SNRNP200: variants seen among roughly 807,000 people sequenced by gnomAD.
SNRNP200 encodes the protein small nuclear ribonucleoprotein U5 subunit 200.
SNRNP200 carries 66 observed loss-of-function variants against 255.2 expected under a neutral mutation model. The observed-to-expected ratio is 0.26, with a 90% CI of 0.21 to 0.32. SNRNP200 has a LOEUF of 0.32. Among genes scored for constraint, SNRNP200 ranks in the 10% least tolerant of loss-of-function variants. SNRNP200 has a pLI of 1.00. For missense variants in SNRNP200, 1,585 were observed against 2,749.8 expected (o/e 0.58, Z 9.47); for synonymous variants, 939 against 1,027.8 (o/e 0.91, Z 1.65).
At chr2:96,297,286 G>C (rs1425425231) in intron 11 of SNRNP200, 77 bp downstream of exon 11, 1 of 1,577,612 alleles carries the variant, frequency 6.3e-7, no homozygotes, top group Non-Finnish European at 8.7e-7. Context: ...ATGAAACAAG[G>C]CTACATTTTG....
In SNRNP200 at chr2:96,277,474, C is replaced by T. The variant is rs552605727; in HGVS notation, c.5931+65G>A. The T allele has an allele frequency of 3.8e-5, 61 of 1,588,660 alleles. No individual in the cohort carries two copies. In the African/African-American group the frequency reaches 5.5e-4, roughly 14 times the overall value. ...ACTGAGACTCACCTCCCGCAACCCA[C>T]GCTCGGTCCACAACACTGGGCTCTC... On this transcript the variant is annotated intron_variant, in intron 41 of 44. Transcript: ENST00000323853. The surrounding 1 kb of genome is among the most constrained non-coding windows in gnomAD (Gnocchi z 4.4).
chr2:96,282,138 A>C lies in SNRNP200; in HGVS notation c.4916-216T>G. The C allele has an allele frequency of 3.7e-6, 2 of 541,280 alleles. 1 individual carries two copies. Among genetic ancestry groups the C allele is most frequent in the South Asian group, 4.0e-5 (2 of 50,084 alleles). 33.5% of individuals were successfully genotyped at this position (541,280 alleles called of 1,614,324 possible). ...TTGCTCTGGGACTATCCAGGAGAAA[A>C]CAAGTCATCATAGAACAGAACCCAA... On this transcript the variant is annotated intron_variant, in intron 34 of 44. Transcript: ENST00000323853.
At chr2:96,295,743 C>T in intron 13 of SNRNP200, 85 bp from the exon 14 acceptor site, 10 of 1,416,618 alleles carry the variant, frequency 7.1e-6, no homozygotes, top group Non-Finnish European at 9.8e-6. Flanking sequence ...GAGTGTAGGG[C>T]ATTGGGAGCA....
chr2:96,303,707 T>C (rs766000156), intron 2 of SNRNP200, among the ~76,000 whole-genome samples: 5 of 152,132 alleles, frequency 3.3e-5, no homozygotes, highest in South Asian at 2.1e-4. Context: ...CTGGCCAACA[T>C]GGAGAAACCC....
rs747392148 is a variant in SNRNP200, at chr2:96,287,417, AG to A, written c.3484+21del. Reference sequence around the variant, plus strand: ...GAGAGACACCCAGGCAGTGAGGACAAGGGCGAGAGCATCCCACACACCAATC... The same window carrying A: ...GAGAGACACCCAGGCAGTGAGGACAAGGCGAGAGCATCCCACACACCAATC... On this transcript the variant is annotated intron_variant, in intron 26 of 44. Coordinates refer to ENST00000323853, the MANE Select transcript of SNRNP200 (RefSeq NM_014014.5). This position sits in a 1 kb window ranked among gnomAD's most constrained non-coding sequence, Gnocchi z 5.7. 6.5e-7 allele frequency: 1 copy of A among 1,539,738 alleles called. No individual in the cohort carries two copies. Among genetic ancestry groups the A allele is most frequent in the Non-Finnish European group, 9.0e-7 (1 of 1,112,228 alleles).
rs1414485144 is a variant in SNRNP200 at position 96,296,804 on chromosome 2, CCTA to C, written c.1516-116_1516-114del. 4 of 1,545,892 alleles carry C rather than the reference CCTA, an allele frequency of 2.6e-6. No individual in the cohort carries two copies. In the Admixed American group the frequency reaches 6.8e-5, roughly 26 times the overall value. On this transcript the variant is annotated intron_variant, in intron 12 of 44. Coordinates refer to ENST00000323853, the MANE Select transcript of SNRNP200 (RefSeq NM_014014.5). ...ATAGAGCTTGTCCTGGGCACTTTAT[CCTA>C]CTATTTAACCTCTCTTCCATCAAAG...
rs143175658 is a variant in SNRNP200 at position 96,286,426 on chromosome 2, G to C, written c.3888C>G (p.Pro1296=). 1.4e-5 allele frequency: 23 copies of C among 1,614,078 alleles called. No individual in the cohort carries two copies. The highest frequency in any genetic ancestry group is 6.7e-5 in the East Asian group (3 of 44,900). The part of the protein sequence containing the change: ...FRHLILPEKY[P]PPTELLDLQP... ...GCAGGTCCAAAAGTTCGGTTGGAGG[G>C]GGGTACTTCTCCGGCAAGATCAGGT... The change falls in exon 29 of 45, where the codon CCC becomes CCG. Residue 1296 remains proline (P), a synonymous_variant. Coordinates refer to ENST00000323853, the MANE Select transcript of SNRNP200 (RefSeq NM_014014.5). The surrounding 1 kb of genome is among the most constrained non-coding windows in gnomAD (Gnocchi z 4.8).
At position 96,281,914 on chromosome 2, in the gene SNRNP200, G is replaced by A; in HGVS notation, c.4924C>T (p.Gln1642Ter). 6.2e-7 allele frequency: 1 copy of A among 1,613,910 alleles called. No homozygotes were observed. The highest frequency in any genetic ancestry group is 8.5e-7 in the Non-Finnish European group (1 of 1,179,892). Residue 1642 changes from glutamine to a stop codon, truncating the protein, a stop_gained, in exon 35 of 45, where the codon CAG becomes TAG. Transcript: ENST00000323853. LOFTEE classifies it high-confidence loss of function. Reference sequence around the variant, plus strand: ...AGACTCCGAGAAGCCACCACCACCTGGATAGCCCCTGAGCAGTAGAGGGGA... The same window carrying A: ...AGACTCCGAGAAGCCACCACCACCTAGATAGCCCCTGAGCAGTAGAGGGGA... ...VEQLFSSGAI[Q>*]VVVASRSLCW...
chr2:96,293,492 G>A lies in SNRNP200; in HGVS notation c.1860C>T (p.Leu620=). The change falls in exon 15 of 45, where the codon CTC becomes CTT. Residue 620 remains leucine (L), a synonymous_variant. Transcript: ENST00000323853. The part of the protein sequence containing the change: ...RLIILDEIHL[L]HDDRGPVLEA... ...CTAAGACAGGACCTCTGTCATCGTG[G>A]AGAAGATGAATCTCATCCTACGGAA... 6.2e-7 allele frequency: 1 copy of A among 1,612,330 alleles called. No homozygotes were observed. The highest frequency in any genetic ancestry group is 8.5e-7 in the Non-Finnish European group (1 of 1,179,986).
At chr2:96,298,032 C>T (rs1207545950) in intron 9 of SNRNP200, among the ~76,000 whole-genome samples, 2 of 152,168 alleles carry the variant, frequency 1.3e-5, no homozygotes, top group Non-Finnish European at 2.9e-5. Context: ...TTTTAGTAAA[C>T]ACCATGGATT....
At chr2:96,296,408 A>G in intron 13 of SNRNP200, 128 bp downstream of exon 13, 2 of 970,062 alleles carry the variant, frequency 2.1e-6, no homozygotes, top group Non-Finnish European at 3.1e-6. Context: ...AGAAAAATAA[A>G]AAATAACAAC....
At position 96,303,259 on chromosome 2, in the gene SNRNP200, A is replaced by G; in HGVS notation, c.281T>C (p.Ile94Thr). 2 of 1,614,194 alleles carry G rather than the reference A, an allele frequency of 1.2e-6. No individual in the cohort carries two copies. Among genetic ancestry groups the G allele is most frequent in the Non-Finnish European group, 1.7e-6 (2 of 1,180,028 alleles). ...MKGYTLLSEG[I>T]DEMVGIIYKP... ...GTAGATGATGCCCACCATCTCATCA[A>G]TGCCCTCCGACAGCAGAGTATAACC... is the stretch of plus-strand genomic sequence containing the variant. The change falls in exon 3 of 45, where the codon ATT becomes ACT. Residue 94 changes from isoleucine (I) to threonine (T), a missense_variant. Transcript: ENST00000323853.
intron 43 of SNRNP200, 127 bp from the exon 44 acceptor site, chr2:96,275,476 A>G (rs1684639838): frequency 2.5e-6 from 2 of 810,486 alleles, no homozygotes; most frequent in Non-Finnish European, 4.2e-6. Flanking sequence ...TTCCCGAAAT[A>G]CAATTAGATT....
chr2:96,299,214 T>G, intron 6 of SNRNP200, 115 bp downstream of exon 6: 1 of 1,033,972 alleles, frequency 9.7e-7, no homozygotes, highest in Non-Finnish European at 1.5e-6. Context: ...GTGTTTATTA[T>G]AGTTCACTCC....
intron 7 of SNRNP200, 49 bp downstream of exon 7, chr2:96,298,766 C>A (rs1346208890): frequency 3.7e-6 from 6 of 1,613,948 alleles, no homozygotes; most frequent in Admixed American, 1.7e-5. Flanking sequence ...ACGCTGTCCC[C>A]ATGTGCTAAG....
In SNRNP200 at chr2:96,291,794, G is replaced by T; in HGVS notation, c.2267C>A (p.Ser756Ter). Reference protein sequence around the residue: ...DTLGLFLREGSASTEVLRTEA... With the variant: ...DTLGLFLREG Reference sequence around the variant, plus strand: ...TGTTCGCAGGACTTCTGTGGAGGCTGAGCCCTCCCTCAGAAACAGACCCAG... The same window carrying T: ...TGTTCGCAGGACTTCTGTGGAGGCTTAGCCCTCCCTCAGAAACAGACCCAG... The change falls in exon 17 of 45, where the codon TCA (serine) becomes TAA (stop). Residue 756 changes from serine (S) to a stop codon, truncating the protein, a stop_gained. Transcript: ENST00000323853. LOFTEE classifies it high-confidence loss of function. The surrounding 1 kb of genome is among the most constrained non-coding windows in gnomAD (Gnocchi z 4.2). The T allele has an allele frequency of 6.2e-7, 1 of 1,614,140 alleles. No individual in the cohort carries two copies. Among genetic ancestry groups the T allele is most frequent in the Non-Finnish European group, 8.5e-7 (1 of 1,180,030 alleles).
rs770902648 is a variant in SNRNP200, at chr2:96,277,147, C to T, written c.6026G>A (p.Arg2009His). 4.3e-6 allele frequency: 7 copies of T among 1,613,724 alleles called. No individual in the cohort carries two copies. Among genetic ancestry groups the T allele is most frequent in the Non-Finnish European group, 5.1e-6 (6 of 1,180,032 alleles). The change falls in exon 42 of 45, where the codon CGC becomes CAC. Residue 2009 changes from arginine to histidine, a missense_variant. Coordinates refer to ENST00000323853, the MANE Select transcript of SNRNP200 (RefSeq NM_014014.5). This position sits in a 1 kb window ranked among gnomAD's most constrained non-coding sequence, Gnocchi z 4.4. ...GATATTAGGGTAGCGGTTACAAAAG[C>T]GAGCCACATCTGCAATCTGGCTGTC... is the stretch of plus-strand genomic sequence containing the variant. ...LTDSQIADVARFCNRYPNIEL... is the reference protein window; with the variant it reads ...LTDSQIADVAHFCNRYPNIEL...
chr2:96,281,731 T>C (rs940768479), intron 35 of SNRNP200, 83 bp downstream of exon 35: 65 of 1,122,850 alleles, frequency 5.8e-5, no homozygotes, highest in Non-Finnish European at 7.9e-5. Flanking sequence ...TTCTTCATCC[T>C]AGCTTACTTT....
At position 96,276,970 on chromosome 2, in the gene SNRNP200, C is replaced by A. The variant is rs373253591; in HGVS notation, c.6108G>T (p.Val2036=). 3.1e-6 allele frequency: 5 copies of A among 1,613,930 alleles called. No homozygotes were observed. The highest frequency in any genetic ancestry group is 1.6e-4 in the Middle Eastern group (1 of 6,062). The change falls in exon 43 of 45, where the codon GTG becomes GTT. Residue 2036 remains valine (V), a synonymous_variant. Coordinates refer to ENST00000323853, the MANE Select transcript of SNRNP200 (RefSeq NM_014014.5). ...KDSIRSGGPV[V]VLVQLEREEE... ...CCTCTCGCTCCAGCTGCACCAGCAC[C>A]ACAACTGGCCCGCCACTGCAGGGGG... is the stretch of plus-strand genomic sequence containing the variant.
Sources: allele counts gnomAD v4.1 joint callset (sites outside exome capture counted in the v4.1 genomes callset), GRCh38; gene constraint gnomAD v4.1.1; non-coding constraint Gnocchi (gnomAD v3.1); transcripts MANE v1.5; gene names NCBI Gene and HGNC (gene_info 2026-07-23, HGNC 2026-07-21).